SLC25A33: variants seen among roughly 807,000 people sequenced by gnomAD.
SLC25A33 encodes the protein bone marrow stromal cell mitochondrial carrier protein.
SLC25A33 carries 15 observed loss-of-function variants against 35.5 expected under a neutral mutation model. The observed-to-expected ratio is 0.42, with a 90% CI of 0.28 to 0.65. The LOEUF (loss-of-function observed/expected upper bound fraction) is 0.65, where lower values mean the gene tolerates loss of function less well. Ranked by LOEUF, SLC25A33 falls within the 30% of genes least tolerant of loss-of-function variation. The pLI, the probability that SLC25A33 is intolerant of heterozygous loss-of-function variation, is 0.20. For synonymous variants in SLC25A33, 136 were observed against 148.7 expected, an observed-to-expected ratio of 0.91 and a Z score of 0.62; for missense variants, 257 against 398.5, an observed-to-expected ratio of 0.64 and a Z score of 3.02.
At chr1:9,567,902 C>T (rs890025122) in intron 3 of SLC25A33, among the ~76,000 whole-genome samples, 4 of 152,334 alleles carry the variant, frequency 2.6e-5, no homozygotes, top group African/African-American at 9.6e-5. Flanking sequence ...TAAGGGTAGT[C>T]ACTGGCCACA....
chr1:9,570,759 C>CTGGA (rs1395667913), intron 4 of SLC25A33, among the ~76,000 whole-genome samples: 1 of 136,636 alleles, frequency 7.3e-6, no homozygotes, highest in African/African-American at 2.8e-5. Context: ...CCAGGCTGGA[C>CTGGA]TGGAGTGCAG....
At chr1:9,581,612 C>T (rs1285687877) in intron 6 of SLC25A33, among the ~76,000 whole-genome samples, 1 of 151,760 alleles carries the variant, frequency 6.6e-6, no homozygotes, top group Non-Finnish European at 1.5e-5. Context: ...GCCTGTAATC[C>T]CAGCTACTCA....
intron 6 of SLC25A33, among the ~76,000 whole-genome samples, chr1:9,581,184 C>A (rs971995382): frequency 1.3e-5 from 2 of 152,084 alleles, no homozygotes; most frequent in African/African-American, 4.8e-5. Flanking sequence ...GGTCTGAGGT[C>A]TGTGTGAGGG....
intron 5 of SLC25A33, among the ~76,000 whole-genome samples, chr1:9,579,088 C>CA: frequency 6.6e-6 from 1 of 152,292 alleles, no homozygotes; most frequent in Middle Eastern, 3.4e-3. Flanking sequence ...GGTCAGCTGA[C>CA]AACAGTACAA....
At chr1:9,546,174 ATTTTTTTTTTTTTTTT>A (rs746460317) in intron 1 of SLC25A33, among the ~76,000 whole-genome samples, 29 of 100,524 alleles carry the variant, frequency 2.9e-4, no homozygotes, top group African/African-American at 7.4e-4. Flanking sequence ...ACACAGAGAA[ATTTTTTTTTTTTTTTT>A]TTTTTTTTTT....
intron 4 of SLC25A33, among the ~76,000 whole-genome samples, chr1:9,571,423 A>C (rs113664372): frequency 1.4e-3 from 217 of 151,320 alleles, no homozygotes; most frequent in African/African-American, 5.1e-3. Flanking sequence ...CCTCCCGAGT[A>C]GTTGGGACTA....
chr1:9,573,534 T>C (rs1643619208), intron 5 of SLC25A33, 122 bp downstream of exon 5: 1 of 768,256 alleles, frequency 1.3e-6, no homozygotes, highest in Non-Finnish European at 2.1e-6. Flanking sequence ...GTTTCCTTAA[T>C]CTAAGTGCAC....
chr1:9,567,891 A>G (rs1643534188), intron 3 of SLC25A33, among the ~76,000 whole-genome samples: 2 of 152,254 alleles, frequency 1.3e-5, no homozygotes, highest in African/African-American at 4.8e-5. Flanking sequence ...GTCCCAGTAC[A>G]TAAGGGTAGT....
intron 2 of SLC25A33, among the ~76,000 whole-genome samples, chr1:9,554,461 G>A (rs775870697): frequency 5.9e-5 from 9 of 152,346 alleles, no homozygotes; most frequent in Non-Finnish European, 8.8e-5. Flanking sequence ...CTGGATTCAA[G>A]CGATTCTCCT....
chr1:9,567,531 G>T (rs761473866), intron 3 of SLC25A33, among the ~76,000 whole-genome samples, 170 bp downstream of exon 3: 1 of 152,214 alleles, frequency 6.6e-6, no homozygotes, highest in Non-Finnish European at 1.5e-5. Context: ...TGTCTTCAGT[G>T]TGTGAAAGAA....
intron 2 of SLC25A33, chr1:9,556,323 T>C: frequency 1.2e-6 from 1 of 866,520 alleles, no homozygotes; most frequent in Non-Finnish European, 1.4e-6. Context: ...CTAGTGAATT[T>C]GGATTTACTG....
intron 4 of SLC25A33, among the ~76,000 whole-genome samples, chr1:9,572,471 AGCCAG>A (rs1643604381): frequency 6.6e-6 from 1 of 151,196 alleles, no homozygotes; most frequent in African/African-American, 2.4e-5. Flanking sequence ...AAAAAAAATT[AGCCAG>A]GCGCGGTGGC....
Position 9,578,119 on chromosome 1 carries a change from C to T in SLC25A33, c.483-1835C>T, listed in dbSNP as rs1011010039. The stretch of plus-strand genomic sequence containing the variant: ...TTTTTTAGTAGAGACGGGGTTTCAC[C>T]GTGTTAGCCAGGATGGTCTCGATCT... On this transcript the variant is annotated intron_variant, in intron 5 of 6. Transcript: ENST00000302692. This position sits in a 1 kb window ranked among gnomAD's most constrained non-coding sequence, Gnocchi z 4.3. Among the ~76,000 whole-genome samples the T allele has an allele frequency of 3.3e-5, 5 of 152,086 alleles. No individual in the cohort carries two copies. Among genetic ancestry groups the T allele is most frequent in the South Asian group, 2.1e-4 (1 of 4,830 alleles).
rs571414601 is a variant in SLC25A33, at chr1:9,571,623, G to GTT, written c.415+1276_415+1277dup. On this transcript the variant is annotated intron_variant, in intron 4 of 6. Transcript: ENST00000302692. ...GTTCTATGTTCATTTAAACAGAAGG[G>GTT]TTTTTTTTTTTTAATTGGTATTGTT... is the stretch of plus-strand genomic sequence containing the variant. Among the ~76,000 whole-genome samples, 147 of 145,346 alleles carry GTT rather than the reference G, an allele frequency of 1.0e-3. 3 individuals carry two copies. In the South Asian group the frequency reaches 0.032, roughly 31 times the overall value.
At chr1:9,561,299 C>T (rs529877630) in intron 2 of SLC25A33, among the ~76,000 whole-genome samples, 2 of 152,212 alleles carry the variant, frequency 1.3e-5, no homozygotes, top group East Asian at 1.9e-4. Flanking sequence ...TAGTGATCTC[C>T]TATCTTATCT....
At position 9,578,948 on chromosome 1, in the gene SLC25A33, T is replaced by C. The variant is rs994162113; in HGVS notation, c.483-1006T>C. ...TGAGCCTTACTGCTCCCTGCAGCTC[T>C]TTCTAAAATTAGGTCAAATGCTAAT... On this transcript the variant is annotated intron_variant, in intron 5 of 6. Coordinates refer to ENST00000302692, the MANE Select transcript of SLC25A33 (RefSeq NM_032315.3). This position sits in a 1 kb window ranked among gnomAD's most constrained non-coding sequence, Gnocchi z 4.3. Among the ~76,000 whole-genome samples the C allele has an allele frequency of 3.3e-5, 5 of 152,270 alleles. No homozygotes were observed. The highest frequency in any genetic ancestry group is 7.3e-5 in the Non-Finnish European group (5 of 68,040).
chr1:9,573,261 T>C (rs1643615058), intron 4 of SLC25A33, 85 bp from the exon 5 acceptor site: 1 of 975,430 alleles, frequency 1.0e-6, no homozygotes, highest in Admixed American at 2.7e-5. Flanking sequence ...AATCCCTATT[T>C]CAAAGTTTAT....
chr1:9,573,517 C>G (rs574138982), intron 5 of SLC25A33, 105 bp downstream of exon 5: 17 of 905,272 alleles, frequency 1.9e-5, no homozygotes, highest in Admixed American at 7.5e-5. Context: ...GATGTACCCC[C>G]CTCCTCGTTT....
At position 9,578,837 on chromosome 1, in the gene SLC25A33, G is replaced by C. The variant is rs775454352; in HGVS notation, c.483-1117G>C. Among the ~76,000 whole-genome samples the C allele has an allele frequency of 6.6e-6, 1 of 152,156 alleles. No homozygotes were observed. The highest frequency in any genetic ancestry group is 1.5e-5 in the Non-Finnish European group (1 of 68,028). ...CTGAAAGCATTCCCTGTGTCTCACG[G>C]CCTTGTGACTTAATCTAGCAGATAT... is the stretch of plus-strand genomic sequence containing the variant. On this transcript the variant is annotated intron_variant, in intron 5 of 6. Coordinates refer to ENST00000302692, the MANE Select transcript of SLC25A33 (RefSeq NM_032315.3). This position sits in a 1 kb window ranked among gnomAD's most constrained non-coding sequence, Gnocchi z 4.3.
Sources: allele counts gnomAD v4.1 joint callset (sites outside exome capture counted in the v4.1 genomes callset), GRCh38; gene constraint gnomAD v4.1.1; non-coding constraint Gnocchi (gnomAD v3.1); transcripts MANE v1.5; gene names NCBI Gene and HGNC (gene_info 2026-07-23, HGNC 2026-07-21).